TRPM5: variants seen among roughly 807,000 people sequenced by gnomAD.
TRPM5 encodes MLSN1 and TRP-related.
TRPM5 carries 121 observed loss-of-function variants against 124.9 expected under a neutral mutation model. The ratio of observed to expected loss-of-function variants is 0.97; its 90% confidence interval spans 0.84 to 1.13. The LOEUF is 1.13. TRPM5 is among the 50% of genes most tolerant of loss of function. The pLI is 0.00. For missense variants in TRPM5, 1,643 were observed against 1,589.1 expected (o/e 1.03, Z -0.58); for synonymous variants, 781 against 700.5 (o/e 1.11, Z -1.81).
the TRPM5 span, among the ~76,000 whole-genome samples, chr11:2,442,602 C>G: frequency 6.6e-6 from 1 of 152,100 alleles, no homozygotes; most frequent in African/African-American, 2.4e-5. This position sits in a 1 kb window ranked among gnomAD's most constrained non-coding sequence, Gnocchi z 5.9. Flanking sequence ...TCTATTTTTC[C>G]TACATATCTT....
chr11:2,444,444 G>A, the TRPM5 span, among the ~76,000 whole-genome samples: 5 of 151,316 alleles, frequency 3.3e-5, no homozygotes, highest in Non-Finnish European at 1.5e-5. Context: ...TTCCTCCCTG[G>A]CGCAGCTGGG....
At position 2,420,940 on chromosome 11, in the gene TRPM5, T is replaced by C. The variant is rs181553880; in HGVS notation, c.465+92A>G. On this transcript the variant is annotated intron_variant, in intron 3 of 23. Coordinates refer to ENST00000155858, the Ensembl canonical transcript of TRPM5. ...CCTGCTCTTCCTCCAGCTCGAGTCC[T>C]GTCCTCCCAGAGCTCTGCCCGCTGC... 1.9e-3 allele frequency: 2,631 copies of C among 1,357,114 alleles called. 7 individuals are homozygous for C. Among genetic ancestry groups the C allele is most frequent in the Admixed American group, 3.2e-3 (113 of 34,964 alleles). 84.1% of individuals were successfully genotyped at this position (1,357,114 alleles called of 1,614,324 possible).
chr11:2,433,012 C>T, the TRPM5 span, among the ~76,000 whole-genome samples: 1 of 152,244 alleles, frequency 6.6e-6, no homozygotes, highest in African/African-American at 2.4e-5. Context: ...AGTCCGGGAA[C>T]CAGTGGAGCC....
chr11:2,405,258 C>A (rs1261814545), intron 23 of TRPM5, among the ~76,000 whole-genome samples: 1 of 152,222 alleles, frequency 6.6e-6, no homozygotes, highest in African/African-American at 2.4e-5. Context: ...GCCGAGGGGC[C>A]CGTTTGCTTG....
Position 2,413,544 on chromosome 11 carries a change from C to T in TRPM5, c.1935G>A (p.Thr645=), listed in dbSNP as rs754249296. The T allele has an allele frequency of 1.2e-5, 19 of 1,612,474 alleles. 1 individual carries two copies. The East Asian group carries it at 1.3e-4, about 11-fold the overall frequency. The stretch of plus-strand genomic sequence containing the variant: ...AGGCTCCTAGCAGCCGCAGGATGGG[C>T]GTGCCTGCGGCCATGTCCCCCCACC... Residue 645 remains threonine, a synonymous_variant, in exon 13 of 24, where the codon ACG becomes ACA. Transcript: ENST00000155858.
chr11:2,418,157 C>A lies in TRPM5; in HGVS notation c.906+10G>T. On this transcript the variant is annotated intron_variant, in intron 6 of 23. Coordinates refer to ENST00000155858, the Ensembl canonical transcript of TRPM5. ...GGGGTCGGGAGGACAGGGGAGGGGGCAGCACATACCAGCTTGGTCCAGCGC... is the reference window on the plus strand; with the variant it reads ...GGGGTCGGGAGGACAGGGGAGGGGGAAGCACATACCAGCTTGGTCCAGCGC... 1 of 1,548,180 alleles carries A rather than the reference C, an allele frequency of 6.5e-7. No homozygotes were observed. The highest frequency in any genetic ancestry group is 1.2e-5 in the South Asian group (1 of 84,430).
chr11:2,443,616 G>A, the TRPM5 span, among the ~76,000 whole-genome samples: 360 of 152,276 alleles, frequency 2.4e-3, 3 homozygotes, highest in African/African-American at 8.2e-3. This position sits in a 1 kb window ranked among gnomAD's most constrained non-coding sequence, Gnocchi z 5.0. Flanking sequence ...GCTGGACTCC[G>A]TCCACGATAA....
chr11:2,420,225 C>G (rs761001440), exon 4 of TRPM5: 1 of 1,597,044 alleles, frequency 6.3e-7, no homozygotes, highest in South Asian at 1.1e-5. Flanking sequence ...GTCTCACCCC[C>G]GTAGCCCGCC....
the TRPM5 span, among the ~76,000 whole-genome samples, chr11:2,431,677 T>G: frequency 1.3e-5 from 2 of 152,112 alleles, no homozygotes; most frequent in Non-Finnish European, 2.9e-5. Flanking sequence ...AGGAGCACTC[T>G]TCCTTGGAGC....
chr11:2,413,025 G>C lies in TRPM5; in HGVS notation c.2097-13C>G, dbSNP rs1474474959. 2 of 1,595,922 alleles carry C rather than the reference G, an allele frequency of 1.3e-6. No homozygotes were observed. Among genetic ancestry groups the C allele is most frequent in the Admixed American group, 3.5e-5 (2 of 57,210 alleles). On this transcript the variant is annotated splice_polypyrimidine_tract_variant and intron_variant, in intron 14 of 23. Coordinates refer to ENST00000155858, the Ensembl canonical transcript of TRPM5. ...CAGCTCCTCCACCCTGTGCCGCAGAGAAGTTCGCAGTGGTGAGGCTGGCGC... is the reference window on the plus strand; with the variant it reads ...CAGCTCCTCCACCCTGTGCCGCAGACAAGTTCGCAGTGGTGAGGCTGGCGC...
chr11:2,407,440 TGTCACGAGGG>T, intron 19 of TRPM5, 140 bp from the exon 25 acceptor site: 1 of 840,642 alleles, frequency 1.2e-6, no homozygotes, highest in Non-Finnish European at 1.8e-6. Context: ...CTCTGGGGTG[TGTCACGAGGG>T]GTCCACTCTC....
Position 2,414,056 on chromosome 11 carries a change from C to G in TRPM5, c.1890+5G>C. ...CAGCTCTCCTCGAGGACAGCTGGCACTCACCTGAACGCCGTCGTGGGCAAA... is the reference window on the plus strand; with the variant it reads ...CAGCTCTCCTCGAGGACAGCTGGCAGTCACCTGAACGCCGTCGTGGGCAAA... On this transcript the variant is annotated splice_donor_5th_base_variant and intron_variant, in intron 12 of 23. Coordinates refer to ENST00000155858, the Ensembl canonical transcript of TRPM5. 6.4e-7 allele frequency: 1 copy of G among 1,554,862 alleles called. No individual in the cohort carries two copies. The highest frequency in any genetic ancestry group is 1.2e-5 in the South Asian group (1 of 84,836).
chr11:2,440,925 C>T, the TRPM5 span, among the ~76,000 whole-genome samples: 80 of 152,322 alleles, frequency 5.3e-4, no homozygotes, highest in African/African-American at 1.8e-3. The surrounding 1 kb of genome is among the most constrained non-coding windows in gnomAD (Gnocchi z 5.2). Context: ...ATTCCTCATG[C>T]ATTCTTGGTG....
the TRPM5 span, among the ~76,000 whole-genome samples, chr11:2,431,243 C>G: frequency 6.6e-6 from 1 of 152,082 alleles, no homozygotes; most frequent in South Asian, 2.1e-4. Flanking sequence ...AGGGACCCCA[C>G]AAGCCCTCAG....
At chr11:2,407,638 G>C (rs531732399) in intron 19 of TRPM5, 121 bp downstream of exon 24, 1 of 1,325,438 alleles carries the variant, frequency 7.5e-7, no homozygotes, top group Non-Finnish European at 1.0e-6. Context: ...TATCTGCCCT[G>C]AGGCACCAAG....
chr11:2,433,393 C>G, the TRPM5 span, among the ~76,000 whole-genome samples: 2 of 152,064 alleles, frequency 1.3e-5, no homozygotes, highest in African/African-American at 4.8e-5. Context: ...GGCTGCCCGG[C>G]CAACTCCACC....
At chr11:2,417,824 C>T (rs1231399165) in exon 7 of TRPM5, 1 of 1,571,840 alleles carries the variant, frequency 6.4e-7, no homozygotes, top group Non-Finnish European at 8.6e-7. Context: ...AGGTGATGTT[C>T]TGCAGCTGGG....
chr11:2,418,190 C>A, exon 6 of TRPM5: 2 of 1,580,384 alleles, frequency 1.3e-6, no homozygotes, highest in Admixed American at 3.6e-5. Context: ...CGCACGATGT[C>A]CTCCCAAGAG....
the TRPM5 span, among the ~76,000 whole-genome samples, chr11:2,444,354 A>G: frequency 1.3e-5 from 2 of 151,208 alleles, no homozygotes; most frequent in Admixed American, 6.6e-5. Context: ...AGGGAGGGAA[A>G]GTAGATGCCG....
Sources: allele counts gnomAD v4.1 joint callset (sites outside exome capture counted in the v4.1 genomes callset), GRCh38; gene constraint gnomAD v4.1.1; non-coding constraint Gnocchi (gnomAD v3.1); transcripts MANE v1.5; gene names NCBI Gene and HGNC (gene_info 2026-07-23, HGNC 2026-07-21).